ASMTL: variants seen among roughly 807,000 people sequenced by gnomAD.
ASMTL encodes the protein acetylserotonin O-methyltransferase like.
A neutral mutation model predicts 60.3 loss-of-function variants in ASMTL; 57 were observed. The ratio of observed to expected loss-of-function variants is 0.95; its 90% CI spans 0.76 to 1.18. The LOEUF is 1.18. ASMTL is among the 50% of genes most tolerant of loss of function. The pLI, the probability that ASMTL is intolerant of heterozygous loss-of-function variation, is 0.00. For missense variants in ASMTL, 981 were observed against 852.6 expected (o/e 1.15, Z -1.88); for synonymous variants, 419 against 373.0 (o/e 1.12, Z -1.42).
intron 3 of ASMTL, among the ~76,000 whole-genome samples, chrX:1,437,199 G>T (rs1193846365): frequency 2.6e-5 from 4 of 152,058 alleles, no homozygotes; most frequent in African/African-American, 4.8e-5. Flanking sequence ...GTGTGGGCAG[G>T]GCTGGTTCCT....
chrX:1,442,947 GCATCTCCCCTCTGAC>G (rs372633182), intron 1 of ASMTL, among the ~76,000 whole-genome samples: 2,861 of 152,256 alleles, frequency 0.019, 94 homozygotes, highest in African/African-American at 0.064. Context: ...AGGGAACTCC[GCATCTCCCCTCTGAC>G]CATCTCCCCT....
intron 11 of ASMTL, among the ~76,000 whole-genome samples, chrX:1,417,565 CA>C (rs2090336763): frequency 1.2e-5 from 1 of 81,144 alleles, no homozygotes; most frequent in Non-Finnish European, 2.9e-5. Flanking sequence ...GCACGACAGT[CA>C]TATGCACACA....
intron 8 of ASMTL, 136 bp from the exon 9 acceptor site, chrX:1,421,978 T>C (rs2090496208): frequency 2.5e-6 from 2 of 787,964 alleles, no homozygotes; most frequent in Non-Finnish European, 4.3e-6. Context: ...CAAGGAAACC[T>C]GACCATAGGG....
At chrX:1,431,348 T>G (rs2149321919) in intron 6 of ASMTL, among the ~76,000 whole-genome samples, 1 of 132,212 alleles carries the variant, frequency 7.6e-6, no homozygotes, top group East Asian at 2.2e-4. Flanking sequence ...ATTATAAATA[T>G]AAATTATATA....
intron 11 of ASMTL, 49 bp from the exon 12 acceptor site, chrX:1,412,903 G>A (rs757496900): frequency 8.1e-6 from 13 of 1,609,790 alleles, no homozygotes; most frequent in Non-Finnish European, 1.1e-5. Context: ...GGAAGAAGCA[G>A]TCCTCCCCGG....
chrX:1,434,794 C>CA lies in ASMTL; in HGVS notation c.400+227dup, dbSNP rs35102054. On this transcript the variant is annotated intron_variant, in intron 5 of 12. Transcript: ENST00000381317. The stretch of plus-strand genomic sequence containing the variant: ...TGGGTAAGAGAGCGAGACTCCATCT[C>CA]AAAAAAAAAAAAAAAAGAAAGAAAA... Among the ~76,000 whole-genome samples, 843 of 117,458 alleles carry CA rather than the reference C, an allele frequency of 7.2e-3. 9 individuals are homozygous for CA. Among genetic ancestry groups the CA allele is most frequent in the African/African-American group, 0.019 (612 of 31,876 alleles). The allele number at this position is 117,458 out of a possible 152,430, so 77.1% of individuals were successfully genotyped here. A position where few individuals can be genotyped will look rare whatever the true frequency, so the allele number is the denominator to read the frequency against.
At chrX:1,410,516 G>C (rs1436808827) in intron 12 of ASMTL, among the ~76,000 whole-genome samples, 15 of 151,900 alleles carry the variant, frequency 9.9e-5, no homozygotes, top group Non-Finnish European at 1.9e-4. Flanking sequence ...CCAGGTTCAA[G>C]TGATGTCCTC....
intron 8 of ASMTL, among the ~76,000 whole-genome samples, chrX:1,423,968 A>C (rs1208352434): frequency 6.8e-6 from 1 of 146,442 alleles, no homozygotes; most frequent in East Asian, 2.1e-4. Flanking sequence ...ATACATCCAC[A>C]TCCATTTATC....
chrX:1,417,330 C>T (rs1422976420), intron 11 of ASMTL, among the ~76,000 whole-genome samples: 1 of 151,704 alleles, frequency 6.6e-6, no homozygotes, highest in Non-Finnish European at 1.5e-5. Context: ...GACATGCACA[C>T]ATATATCCAC....
intron 12 of ASMTL, among the ~76,000 whole-genome samples, chrX:1,404,701 G>A (rs867566371): frequency 7.8e-6 from 1 of 127,904 alleles, no homozygotes; most frequent in African/African-American, 2.9e-5. Flanking sequence ...TAGATGAATG[G>A]ATGGACAGAT....
intron 9 of ASMTL, among the ~76,000 whole-genome samples, chrX:1,419,621 C>A (rs1197444976): frequency 6.6e-6 from 1 of 152,060 alleles, no homozygotes; most frequent in Non-Finnish European, 1.5e-5. Flanking sequence ...CCCCGGGTCC[C>A]AGAGGAGCCC....
At chrX:1,411,219 GAGAA>G (rs1284603568) in intron 12 of ASMTL, among the ~76,000 whole-genome samples, 2 of 45,530 alleles carry the variant, frequency 4.4e-5, no homozygotes, top group Non-Finnish European at 9.1e-5. Context: ...CAGAGAAAGA[GAGAA>G]AGAAGGAGAG....
At chrX:1,443,746 ATCATCGTGGACACACACTG>A (rs2091173144) in intron 1 of ASMTL, among the ~76,000 whole-genome samples, 2 of 128,246 alleles carry the variant, frequency 1.6e-5, no homozygotes, top group African/African-American at 5.4e-5. Flanking sequence ...GTGGACAGAC[ATCATCGTGGACACACACTG>A]CCATCTTGGC....
chrX:1,421,852 T>C lies in ASMTL; in HGVS notation c.1061-10A>G, dbSNP rs768182371. 1 of 1,613,526 alleles carries C rather than the reference T, an allele frequency of 6.2e-7. No homozygotes were observed. The highest frequency in any genetic ancestry group is 8.5e-7 in the Non-Finnish European group (1 of 1,179,630). On this transcript the variant is annotated splice_polypyrimidine_tract_variant and intron_variant, in intron 8 of 12. Transcript: ENST00000381317. ...TCTGTGTTACTGTAACCTGGAGAAA[T>C]GGGGACAGTCGTGTGACCTCCTAAC...
chrX:1,411,210 A>G (rs1331662456), intron 12 of ASMTL, among the ~76,000 whole-genome samples: 6 of 92,164 alleles, frequency 6.5e-5, no homozygotes, highest in Non-Finnish European at 1.3e-4. Flanking sequence ...AGAGATACAC[A>G]GAGAAAGAGA....
chrX:1,425,284 C>T (rs182653710), intron 8 of ASMTL, among the ~76,000 whole-genome samples: 4 of 152,302 alleles, frequency 2.6e-5, no homozygotes, highest in African/African-American at 9.6e-5. Context: ...ACTGATACAG[C>T]CCCTTTGAGA....
intron 1 of ASMTL, among the ~76,000 whole-genome samples, chrX:1,451,321 G>C (rs2091377285): frequency 2.1e-5 from 3 of 142,412 alleles, no homozygotes; most frequent in Non-Finnish European, 4.6e-5. Flanking sequence ...CCCATCCCTA[G>C]GTGGTCCTGG....
intron 12 of ASMTL, among the ~76,000 whole-genome samples, chrX:1,411,145 C>T (rs1385510173): frequency 6.6e-6 from 1 of 152,028 alleles, no homozygotes; most frequent in Non-Finnish European, 1.5e-5. Flanking sequence ...GATCGTGCCA[C>T]TGCACTCCAG....
intron 2 of ASMTL, among the ~76,000 whole-genome samples, chrX:1,439,672 C>A (rs2091058504): frequency 6.6e-6 from 1 of 151,770 alleles, no homozygotes; most frequent in South Asian, 2.1e-4. Context: ...CATGGTGAAA[C>A]CCCGTCTCTA....
Sources: gnomAD v4.1 joint callset for allele counts (sites outside exome capture counted in the v4.1 genomes callset) on GRCh38, gnomAD v4.1.1 for gene constraint, MANE v1.5 for transcripts, NCBI Gene and HGNC (gene_info 2026-07-23, HGNC 2026-07-21) for gene names.